The following PLCB1 variants were observed in gnomAD, a reference collection of about 807,000 sequenced individuals.
PLCB1 encodes the protein phospholipase C beta 1.
A neutral mutation model predicts 161.8 loss-of-function variants in PLCB1; 46 were observed. The observed-to-expected ratio is 0.28, with a 90% confidence interval of 0.22 to 0.36. PLCB1 has a LOEUF of 0.36. PLCB1 is among the 10% of genes least tolerant of loss of function. The pLI is 1.00. For missense variants in PLCB1, 1,016 were observed against 1,472.5 expected (o/e 0.69, Z 5.07); for synonymous variants, 517 against 503.7 (o/e 1.03, Z -0.35).
intron 10 of PLCB1, among the ~76,000 whole-genome samples, chr20:8,696,033 T>G (rs1990576477): frequency 6.6e-6 from 1 of 152,220 alleles, no homozygotes; most frequent in Non-Finnish European, 1.5e-5. Context: ...TATCTTTTTC[T>G]TCCATTGCTT....
At chr20:8,823,057 A>G (rs970092156) in intron 31 of PLCB1, among the ~76,000 whole-genome samples, 2 of 152,228 alleles carry the variant, frequency 1.3e-5, no homozygotes, top group African/African-American at 4.8e-5. Context: ...TATTATAACT[A>G]GCCTAGAGAT....
At position 8,539,833 on chromosome 20, in the gene PLCB1, ATAAG is replaced by A. The variant is rs199534916; in HGVS notation, c.247-88457_247-88454del. On this transcript the variant is annotated intron_variant, in intron 3 of 31. Coordinates refer to ENST00000338037, the MANE Select transcript of PLCB1 (RefSeq NM_015192.4). ...TGTTCTTTGTTTTTTTGTTATTTAA[ATAAG>A]TAACATTAATAAAACACACTGGTGG... Among the ~76,000 whole-genome samples, 428 of 145,724 alleles carry A rather than the reference ATAAG, an allele frequency of 2.9e-3. 7 individuals are homozygous for A. The East Asian group carries it at 0.033, about 11-fold the overall frequency.
At chr20:8,637,242 T>C (rs924195427) in intron 4 of PLCB1, among the ~76,000 whole-genome samples, 3 of 152,194 alleles carry the variant, frequency 2.0e-5, no homozygotes, top group African/African-American at 7.2e-5. Flanking sequence ...TGATGCCCAA[T>C]GAAAAGCTGG....
chr20:8,239,022 G>A (rs1568601578), intron 2 of PLCB1, among the ~76,000 whole-genome samples: 3 of 151,974 alleles, frequency 2.0e-5, no homozygotes, highest in Non-Finnish European at 4.4e-5. Flanking sequence ...GGAAGCAGGA[G>A]AGAGGGGAAC....
In PLCB1 at chr20:8,739,370, G is replaced by T. The variant is rs375089172; in HGVS notation, c.2308+10G>T. On this transcript the variant is annotated intron_variant, in intron 21 of 31. Transcript: ENST00000338037. ...CAAGCCATTCGGCCAGGTATGGGTA[G>T]TGTGCTGAGAAACCTTTTATCAAAG... is the stretch of plus-strand genomic sequence containing the variant. 8.3e-6 allele frequency: 13 copies of T among 1,557,080 alleles called. No individual in the cohort carries two copies. The highest frequency in any genetic ancestry group is 1.4e-5 in the African/African-American group (1 of 73,820).
intron 2 of PLCB1, among the ~76,000 whole-genome samples, chr20:8,295,782 T>G (rs1983598513): frequency 6.6e-6 from 1 of 152,112 alleles, no homozygotes; most frequent in African/African-American, 2.4e-5. Flanking sequence ...CAATCATACC[T>G]CACTGTAGTT....
chr20:8,283,728 A>G lies in PLCB1; in HGVS notation c.178-87654A>G, dbSNP rs181843550. 2.6e-3 allele frequency among the ~76,000 whole-genome samples: 391 copies of G among 152,114 alleles called. 1 individual carries two copies. The highest frequency in any genetic ancestry group is 4.4e-3 in the Non-Finnish European group (298 of 67,926). On this transcript the variant is annotated intron_variant, in intron 2 of 31. Coordinates refer to ENST00000338037, the MANE Select transcript of PLCB1 (RefSeq NM_015192.4). ...CATATTTGAGTACTCACTGCATCAA[A>G]TATTTCTCACTACTAAATAGTACAA...
intron 9 of PLCB1, among the ~76,000 whole-genome samples, chr20:8,681,120 A>ATATATAAT (rs1225874515): frequency 1.9e-5 from 1 of 53,860 alleles, no homozygotes; most frequent in Non-Finnish European, 3.8e-5. Flanking sequence ...ATATATATAT[A>ATATATAAT]ATATATATAA....
intron 3 of PLCB1, among the ~76,000 whole-genome samples, chr20:8,559,284 G>A (rs1033154219): frequency 2.0e-5 from 3 of 151,972 alleles, no homozygotes; most frequent in Middle Eastern, 3.4e-3. Flanking sequence ...AGTTTAAGAT[G>A]TTAGTTGTAA....
intron 2 of PLCB1, among the ~76,000 whole-genome samples, chr20:8,189,282 G>A (rs57756992): frequency 0.055 from 8,232 of 150,850 alleles, 670 homozygotes; most frequent in African/African-American, 0.17. Context: ...AACTATGTGA[G>A]ATAGTGGATA....
intron 3 of PLCB1, among the ~76,000 whole-genome samples, chr20:8,554,645 A>G (rs546089741): frequency 6.6e-6 from 1 of 152,222 alleles, no homozygotes; most frequent in Admixed American, 6.6e-5. Context: ...CAGAGAGAGG[A>G]AGTGTATTAT....
intron 31 of PLCB1, among the ~76,000 whole-genome samples, chr20:8,817,223 T>C (rs993778864): frequency 1.2e-4 from 19 of 152,068 alleles, no homozygotes; most frequent in Non-Finnish European, 2.1e-4. Flanking sequence ...AATGCATCAA[T>C]GAATGGGAAA....
At chr20:8,414,624 C>T (rs1342407637) in intron 3 of PLCB1, among the ~76,000 whole-genome samples, 1 of 152,150 alleles carries the variant, frequency 6.6e-6, no homozygotes, top group African/African-American at 2.4e-5. Flanking sequence ...TACTTGAGAA[C>T]ATTTCTCTGA....
intron 9 of PLCB1, among the ~76,000 whole-genome samples, chr20:8,660,431 C>T (rs540939364): frequency 3.3e-5 from 5 of 152,210 alleles, no homozygotes; most frequent in East Asian, 3.9e-4. Flanking sequence ...AGTTAGCCCA[C>T]GACACTAGGA....
intron 2 of PLCB1, among the ~76,000 whole-genome samples, chr20:8,355,464 C>T (rs538802434): frequency 3.3e-5 from 5 of 152,126 alleles, no homozygotes; most frequent in Non-Finnish European, 7.4e-5. Flanking sequence ...GTCTCTCTGT[C>T]CTCTTTAAAA....
intron 2 of PLCB1, among the ~76,000 whole-genome samples, chr20:8,192,967 T>C (rs1389046705): frequency 6.6e-6 from 1 of 151,968 alleles, no homozygotes; most frequent in East Asian, 1.9e-4. Flanking sequence ...CTTTCAAATA[T>C]TCAATTACAT....
intron 2 of PLCB1, among the ~76,000 whole-genome samples, chr20:8,318,137 A>C (rs986400508): frequency 6.6e-6 from 1 of 152,106 alleles, no homozygotes; most frequent in African/African-American, 2.4e-5. Context: ...GATGCATCCT[A>C]GTATTCATAA....
chr20:8,653,276 G>A (rs1041185857), intron 7 of PLCB1: 13 of 152,134 alleles, frequency 8.5e-5, no homozygotes, highest in African/African-American at 3.1e-4. Context: ...TAAATACTAT[G>A]AATAAAATGT....
At chr20:8,866,218 A>G (rs954574118) in intron 31 of PLCB1, among the ~76,000 whole-genome samples, 5 of 152,242 alleles carry the variant, frequency 3.3e-5, no homozygotes, top group Non-Finnish European at 7.3e-5. Context: ...GAGATGTCCA[A>G]TATTCTCTAG....
Sources: allele counts gnomAD v4.1 joint callset (sites outside exome capture counted in the v4.1 genomes callset), GRCh38; gene constraint gnomAD v4.1.1; transcripts MANE v1.5; gene names NCBI Gene and HGNC (gene_info 2026-07-23, HGNC 2026-07-21).